The following B3GALT1 variants were observed in gnomAD, a reference collection of about 807,000 sequenced individuals.
B3GALT1 encodes UDP-Gal:betaGlcNAc beta 1,3-galactosyltransferase, polypeptide 1.
A neutral mutation model predicts 23.2 loss-of-function variants in B3GALT1; 10 were observed. The ratio of observed to expected loss-of-function variants is 0.43; its 90% CI spans 0.27 to 0.73. The LOEUF (loss-of-function observed/expected upper bound fraction) is 0.73, where lower values mean the gene tolerates loss of function less well. B3GALT1 is among the 30% of genes least tolerant of loss of function. The probability of loss-of-function intolerance (pLI) is 0.21; values close to 1 mark genes in which losing one functional copy is unlikely to be tolerated. For synonymous variants in B3GALT1, 156 were observed against 141.5 expected (o/e 1.10, Z -0.73); for missense variants, 299 against 405.4 (o/e 0.74, Z 2.25).
intron 1 of B3GALT1, among the ~76,000 whole-genome samples, chr2:167,299,810 C>T (rs1212839159): frequency 2.6e-5 from 4 of 151,466 alleles, no homozygotes; most frequent in East Asian, 1.9e-4. Context: ...CTTGGTCTCT[C>T]TCTCTCTCCA....
intron 3 of B3GALT1, among the ~76,000 whole-genome samples, chr2:167,694,627 A>G (rs1293061690): frequency 6.6e-6 from 1 of 152,164 alleles, no homozygotes; most frequent in Non-Finnish European, 1.5e-5. Flanking sequence ...ATCAAGGAGA[A>G]GGCACAAGCC....
intron 2 of B3GALT1, among the ~76,000 whole-genome samples, chr2:167,528,507 G>C (rs1209543084): frequency 6.6e-6 from 1 of 151,944 alleles, no homozygotes; most frequent in Admixed American, 6.6e-5. Context: ...ACTTCTTCAG[G>C]GAGACAAGAG....
rs1696286315 is a variant in B3GALT1 at position 167,293,205 on chromosome 2, G to T, written c.-640G>T. 6.6e-6 allele frequency: 1 copy of T among 151,942 alleles called. No individual in the cohort carries two copies. The allele number at this position is 151,942 out of a possible 1,614,324, so 9.4% of individuals were successfully genotyped here. A position where few individuals can be genotyped will look rare whatever the true frequency, so the allele number is the denominator to read the frequency against. On this transcript the variant is annotated 5_prime_UTR_variant, in exon 1 of 5. Coordinates refer to ENST00000392690, the MANE Select transcript of B3GALT1 (RefSeq NM_020981.4). ...GAGCGGAGCACGAGGAGGCGGGGGC[G>T]GCAGAGAAGTGATGCTGGCGCCGGG...
chr2:167,515,731 CT>C (rs1332042211), intron 2 of B3GALT1, among the ~76,000 whole-genome samples: 4 of 152,010 alleles, frequency 2.6e-5, no homozygotes, highest in African/African-American at 9.7e-5. Context: ...TATCTGAAAA[CT>C]TTTTTGTAAA....
At chr2:167,392,310 A>C (rs186360567) in intron 1 of B3GALT1, among the ~76,000 whole-genome samples, 2 of 152,166 alleles carry the variant, frequency 1.3e-5, no homozygotes, top group Admixed American at 1.3e-4. Flanking sequence ...CCTACCAAAA[A>C]ACAAAATCTA....
intron 2 of B3GALT1, among the ~76,000 whole-genome samples, chr2:167,533,239 C>G (rs1301621394): frequency 6.6e-6 from 1 of 152,048 alleles, no homozygotes; most frequent in Non-Finnish European, 1.5e-5. Context: ...AGTGTAATAT[C>G]CACAATAAGA....
intron 2 of B3GALT1, among the ~76,000 whole-genome samples, chr2:167,636,945 T>C (rs527473073): frequency 6.6e-6 from 1 of 152,024 alleles, no homozygotes; most frequent in East Asian, 1.9e-4. Flanking sequence ...GTAACAAAAC[T>C]GGACATTGTT....
chr2:167,677,786 T>G (rs900047972), intron 3 of B3GALT1, among the ~76,000 whole-genome samples: 3 of 152,172 alleles, frequency 2.0e-5, no homozygotes, highest in African/African-American at 7.2e-5. Context: ...TTTAATTGAT[T>G]CACAGTTCTG....
At chr2:167,586,666 G>A (rs990455847) in intron 2 of B3GALT1, among the ~76,000 whole-genome samples, 6 of 152,136 alleles carry the variant, frequency 3.9e-5, no homozygotes, top group Non-Finnish European at 7.4e-5. Flanking sequence ...AGAGCTGAGT[G>A]TTTGAAGTTA....
At chr2:167,337,197 C>G (rs1175660402) in intron 1 of B3GALT1, among the ~76,000 whole-genome samples, 1 of 152,070 alleles carries the variant, frequency 6.6e-6, no homozygotes, top group Non-Finnish European at 1.5e-5. Flanking sequence ...TCCAGCAGAG[C>G]CAAAGGATAT....
intron 3 of B3GALT1, among the ~76,000 whole-genome samples, chr2:167,773,487 C>A (rs535688640): frequency 1.1e-4 from 16 of 152,174 alleles, no homozygotes; most frequent in African/African-American, 3.9e-4. Context: ...AGCAGTCACA[C>A]GTTAGGTTTG....
chr2:167,428,849 C>G (rs1201787629), intron 1 of B3GALT1, among the ~76,000 whole-genome samples: 1 of 152,054 alleles, frequency 6.6e-6, no homozygotes, highest in Non-Finnish European at 1.5e-5. Flanking sequence ...GAGAATCAGG[C>G]TATTTTATAA....
In B3GALT1 at chr2:167,782,406, C is replaced by A. The variant is rs144515290; in HGVS notation, c.-351-36266C>A. On this transcript the variant is annotated intron_variant, in intron 3 of 4. Transcript: ENST00000392690. ...GAACTCTTAAGGCCCAGCAAAGGGG[C>A]CAGGAGTCAAGACCTGGCATCATCT... 1.9e-3 allele frequency among the ~76,000 whole-genome samples: 296 copies of A among 152,200 alleles called. 1 individual carries two copies. Among genetic ancestry groups the A allele is most frequent in the African/African-American group, 6.7e-3 (276 of 41,492 alleles).
intron 2 of B3GALT1, among the ~76,000 whole-genome samples, chr2:167,491,017 G>A (rs1202295336): frequency 1.3e-5 from 2 of 152,124 alleles, no homozygotes; most frequent in Admixed American, 6.5e-5. Flanking sequence ...AATTCTGGCA[G>A]GATCCCTTGT....
chr2:167,541,629 C>CT (rs1054037845), intron 2 of B3GALT1, among the ~76,000 whole-genome samples: 13 of 151,978 alleles, frequency 8.6e-5, no homozygotes, highest in Non-Finnish European at 1.2e-4. Flanking sequence ...AGATAGATTT[C>CT]TTTTTTTCTG....
chr2:167,330,363 T>G (rs1290528889), intron 1 of B3GALT1, among the ~76,000 whole-genome samples: 1 of 152,148 alleles, frequency 6.6e-6, no homozygotes, highest in African/African-American at 2.4e-5. Flanking sequence ...TCTCAACACT[T>G]TGGGAGGCTG....
At position 167,599,885 on chromosome 2, in the gene B3GALT1, G is replaced by A. The variant is rs112738731; in HGVS notation, c.-409-47024G>A. ...TTTTATCCAGAGTATTTAACACTTGGTTGTTGACGATTAATCATAGATATG... is the reference window on the plus strand; with the variant it reads ...TTTTATCCAGAGTATTTAACACTTGATTGTTGACGATTAATCATAGATATG... On this transcript the variant is annotated intron_variant, in intron 2 of 4. Coordinates refer to ENST00000392690, the MANE Select transcript of B3GALT1 (RefSeq NM_020981.4). 3.7e-3 allele frequency among the ~76,000 whole-genome samples: 568 copies of A among 152,184 alleles called. 3 individuals are homozygous for A. Among genetic ancestry groups the A allele is most frequent in the African/African-American group, 0.013 (553 of 41,518 alleles).
intron 1 of B3GALT1, among the ~76,000 whole-genome samples, chr2:167,433,523 G>T (rs1328726606): frequency 6.6e-6 from 1 of 152,026 alleles, no homozygotes; most frequent in African/African-American, 2.4e-5. Flanking sequence ...TAAAAAGGAG[G>T]GATTATTAAA....
At chr2:167,866,965 C>T (rs181935629) in intron 4 of B3GALT1, among the ~76,000 whole-genome samples, 24 of 152,054 alleles carry the variant, frequency 1.6e-4, no homozygotes, top group African/African-American at 3.9e-4. Flanking sequence ...CTCACTTTGT[C>T]GCCCAGGCTG....
Sources: gnomAD v4.1 joint callset for allele counts (sites outside exome capture counted in the v4.1 genomes callset) on GRCh38, gnomAD v4.1.1 for gene constraint, MANE v1.5 for transcripts, NCBI Gene and HGNC (gene_info 2026-07-23, HGNC 2026-07-21) for gene names.